MB: variants seen among roughly 807,000 people sequenced by gnomAD.
The protein encoded by MB is myoglobin.
In MB, 10 loss-of-function variants were observed where a neutral mutation model predicts 14.5. The observed-to-expected ratio is 0.69, with a 90% CI of 0.43 to 1.17. The LOEUF (loss-of-function observed/expected upper bound fraction) is 1.17. Among genes scored for constraint, MB ranks in the 50% most tolerant of loss-of-function variants. MB has a pLI of 0.00. For missense variants in MB, 169 were observed against 192.7 expected (o/e 0.88, Z 0.73); for synonymous variants, 89 against 78.6 (o/e 1.13, Z -0.70).
At chr22:35,622,735 C>CTTT in intron 1 of MB, among the ~76,000 whole-genome samples, 1 of 152,128 alleles carries the variant, frequency 6.6e-6, no homozygotes, top group Non-Finnish European at 1.5e-5. Context: ...CCACCCTCCC[C>CTTT]AGCCTTGGAG....
intron 1 of MB, among the ~76,000 whole-genome samples, chr22:35,616,817 C>G (rs5755799): frequency 0.47 from 71,785 of 151,950 alleles, 17,365 homozygotes; most frequent in East Asian, 0.75. Context: ...CTTCTCAGTC[C>G]CTTTTTGTCC....
At position 35,607,344 on chromosome 22, in the gene MB, G is replaced by A. The variant is rs767663245; in HGVS notation, c.418C>T (p.Arg140Trp). ...TTGTAGTTGGAGGCCATGTCCTTCC[G>A]GAACAGCTCCAGGGCCTTGTTCATG... ...GAMNKALELF[R>W]KDMASNYKEL... The change falls in exon 3 of 3, where the codon CGG becomes TGG. Residue 140 changes from arginine (R) to tryptophan (W), a missense_variant. Physicochemically the swap from Arg to Trp is moderately radical, Grantham distance 101 (BLOSUM62 -3). Coordinates refer to ENST00000397326, the MANE Select transcript of MB (RefSeq NM_005368.3). 45 of 1,613,984 alleles carry A rather than the reference G, an allele frequency of 2.8e-5. No individual in the cohort carries two copies. The highest frequency in any genetic ancestry group is 9.3e-5 in the African/African-American group (7 of 74,932).
At chr22:35,620,626 C>T (rs766798060), upstream of MB, among the ~76,000 whole-genome samples, 11 of 152,170 alleles carry the variant, frequency 7.2e-5, no homozygotes, top group Non-Finnish European at 1.0e-4. Context: ...TGACCTGGGG[C>T]CCCCTGCCTG....
chr22:35,618,614 T>C (rs1055346138), upstream of MB, among the ~76,000 whole-genome samples: 1 of 151,604 alleles, frequency 6.6e-6, no homozygotes, highest in Non-Finnish European at 1.5e-5. Context: ...CATCTATCAA[T>C]CCCTCCATCT....
At chr22:35,618,829 C>T (rs1304675488), upstream of MB, among the ~76,000 whole-genome samples, 2 of 151,526 alleles carry the variant, frequency 1.3e-5, no homozygotes, top group Non-Finnish European at 2.9e-5. Flanking sequence ...CCACCCATCC[C>T]CTCATTCATC....
At chr22:35,617,928 A>G (rs940953742), upstream of MB, among the ~76,000 whole-genome samples, 2 of 152,162 alleles carry the variant, frequency 1.3e-5, no homozygotes, top group Non-Finnish European at 2.9e-5. Flanking sequence ...GTTTTTCTTG[A>G]CATACTCCTT....
At chr22:35,610,539 G>C (rs1199827236) in intron 2 of MB, among the ~76,000 whole-genome samples, 1 of 152,136 alleles carries the variant, frequency 6.6e-6, no homozygotes, top group Non-Finnish European at 1.5e-5. Flanking sequence ...CTTAACCTCT[G>C]TGAGCCTCAG....
At chr22:35,607,548 A>G (rs1601840004) in intron 2 of MB, 105 bp from the exon 3 acceptor site, 3 of 1,115,800 alleles carry the variant, frequency 2.7e-6, no homozygotes, top group East Asian at 2.5e-5. Context: ...AGGACCGTGT[A>G]TTGAGCACTT....
intron 1 of MB, among the ~76,000 whole-genome samples, chr22:35,615,944 C>T (rs151206861): frequency 4.6e-5 from 7 of 152,214 alleles, no homozygotes; most frequent in East Asian, 3.9e-4. Context: ...GGATCACCAA[C>T]GGCTCAAATT....
intron 2 of MB, among the ~76,000 whole-genome samples, chr22:35,609,364 G>A (rs558333589): frequency 6.6e-6 from 1 of 152,340 alleles, no homozygotes; most frequent in South Asian, 2.1e-4. Context: ...AGATGGCTTC[G>A]CACTGGGCCT....
At chr22:35,617,397 C>T (rs1396013607), upstream of MB, 36 of 626,298 alleles carry the variant, frequency 5.7e-5, no homozygotes, top group African/African-American at 3.7e-5. Context: ...CTCAATGGCT[C>T]GCTGTCCCCC....
chr22:35,615,785 T>G (rs1483885533), intron 1 of MB: 1 of 152,234 alleles, frequency 6.6e-6, no homozygotes, highest in Non-Finnish European at 1.5e-5. Flanking sequence ...AATTTGTGTG[T>G]GTGTGTTGGT....
chr22:35,607,958 A>G (rs1922285977), intron 2 of MB, among the ~76,000 whole-genome samples: 1 of 152,200 alleles, frequency 6.6e-6, no homozygotes, highest in Non-Finnish European at 1.5e-5. Context: ...ATTGTTTTAA[A>G]GACCCTATTT....
chr22:35,607,479 G>A, intron 2 of MB, 36 bp from the exon 3 acceptor site: 1 of 1,604,854 alleles, frequency 6.2e-7, no homozygotes, highest in Non-Finnish European at 8.5e-7. Context: ...TGGTCACCAG[G>A]GTGGGACAAG....
At chr22:35,616,390 A>G (rs1923079769) in intron 1 of MB, among the ~76,000 whole-genome samples, 1 of 152,214 alleles carries the variant, frequency 6.6e-6, no homozygotes, top group African/African-American at 2.4e-5. Context: ...ATACTTGCAG[A>G]CCACATCATT....
rs1231758042 is a variant in MB, at chr22:35,611,110, T to C, written c.96-4A>G. ...CTCTGGGTGACCCTTAAAGAGCCTG[T>C]GGGCACAGGGAAGGCTGGAGTCGGC... On this transcript the variant is annotated splice_polypyrimidine_tract_variant and splice_region_variant and intron_variant, in intron 1 of 2. Transcript: ENST00000397326. The C allele has an allele frequency of 1.2e-6, 2 of 1,612,038 alleles. No homozygotes were observed. Among genetic ancestry groups the C allele is most frequent in the South Asian group, 2.2e-5 (2 of 90,988 alleles).
chr22:35,607,372 C>T lies in MB; in HGVS notation c.390G>A (p.Gly130=), dbSNP rs1212550246. 2 of 1,614,068 alleles carry T rather than the reference C, an allele frequency of 1.2e-6. No individual in the cohort carries two copies. Among genetic ancestry groups the T allele is most frequent in the East Asian group, 2.2e-5 (1 of 44,896 alleles). The change falls in exon 3 of 3, where the codon GGG becomes GGA. Residue 130 remains glycine (G), a synonymous_variant. Coordinates refer to ENST00000397326, the MANE Select transcript of MB (RefSeq NM_005368.3). ...HPGDFGADAQ[G]AMNKALELFR... is the part of the protein sequence containing the mutation. ...ACAGCTCCAGGGCCTTGTTCATGGC[C>T]CCCTGGGCATCAGCACCAAAGTCCC... is the stretch of plus-strand genomic sequence containing the variant.
In MB at chr22:35,607,342, C is replaced by T; in HGVS notation, c.420G>A (p.Arg140=). 1 of 1,614,132 alleles carries T rather than the reference C, an allele frequency of 6.2e-7. No individual in the cohort carries two copies. The highest frequency in any genetic ancestry group is 8.5e-7 in the Non-Finnish European group (1 of 1,179,968). Residue 140 remains arginine, a synonymous_variant, in exon 3 of 3, where the codon CGG becomes CGA. Coordinates refer to ENST00000397326, the MANE Select transcript of MB (RefSeq NM_005368.3). ...GAMNKALELF[R]KDMASNYKEL... Reference sequence around the variant, plus strand: ...CCTTGTAGTTGGAGGCCATGTCCTTCCGGAACAGCTCCAGGGCCTTGTTCA... The same window carrying T: ...CCTTGTAGTTGGAGGCCATGTCCTTTCGGAACAGCTCCAGGGCCTTGTTCA...
intron 1 of MB, among the ~76,000 whole-genome samples, chr22:35,611,603 A>C (rs886602973): frequency 3.1e-4 from 47 of 152,238 alleles, no homozygotes; most frequent in African/African-American, 1.1e-3. Context: ...AGCAATCCTC[A>C]CACTCAGAAA....
Sources: gnomAD v4.1 joint callset for allele counts (sites outside exome capture counted in the v4.1 genomes callset) on GRCh38, gnomAD v4.1.1 for gene constraint, MANE v1.5 for transcripts, NCBI Gene and HGNC (gene_info 2026-07-23, HGNC 2026-07-21) for gene names.